The following RANBP2 variants were observed in gnomAD, a reference collection of about 807,000 sequenced individuals.
RANBP2 encodes the protein E3 SUMO-protein ligase RanBP2.
A neutral mutation model predicts 303.6 loss-of-function variants in RANBP2; 57 were observed. The ratio of observed to expected loss-of-function variants is 0.19; its 90% confidence interval spans 0.15 to 0.23. RANBP2 has a LOEUF of 0.23. Among genes scored for constraint, RANBP2 ranks in the 10% least tolerant of loss-of-function variants. The pLI is 1.00. For synonymous variants in RANBP2, 1,167 were observed against 1,301.5 expected (o/e 0.90, Z 2.23); for missense variants, 3,138 against 3,780.8 (o/e 0.83, Z 4.46).
chr2:108,724,086 C>A (rs879387559), intron 1 of RANBP2, among the ~76,000 whole-genome samples: 2 of 152,268 alleles, frequency 1.3e-5, no homozygotes, highest in South Asian at 2.1e-4. Flanking sequence ...ATCTCATGTC[C>A]TCTTCATTTA....
chr2:109,418,454 C>T, the RANBP2 span, among the ~76,000 whole-genome samples: 5 of 152,134 alleles, frequency 3.3e-5, no homozygotes, highest in Non-Finnish European at 7.4e-5. Flanking sequence ...TGTTCCGGGG[C>T]TCCCTCCTGG....
chr2:109,549,170 C>A, the RANBP2 span, among the ~76,000 whole-genome samples: 3 of 152,138 alleles, frequency 2.0e-5, no homozygotes, highest in Non-Finnish European at 1.5e-5. Flanking sequence ...CAAAGAGTGG[C>A]AGTTCTCTGC....
the RANBP2 span, chr2:109,614,983 C>G: frequency 4.5e-6 from 7 of 1,540,400 alleles, no homozygotes; most frequent in Non-Finnish European, 2.6e-6. Flanking sequence ...CAGCCCCTAC[C>G]GCGGACTCCA....
chr2:108,808,372 A>G, the RANBP2 span, among the ~76,000 whole-genome samples: 15 of 152,264 alleles, frequency 9.9e-5, no homozygotes, highest in African/African-American at 3.6e-4. Context: ...GTGAATATAT[A>G]CCCAGAAGTG....
the RANBP2 span, among the ~76,000 whole-genome samples, chr2:109,123,169 C>T: frequency 6.6e-6 from 1 of 152,134 alleles, no homozygotes; most frequent in East Asian, 1.9e-4. Flanking sequence ...GTGCAGGTAT[C>T]AGCCGTGGCT....
the RANBP2 span, among the ~76,000 whole-genome samples, chr2:109,084,560 C>T: frequency 6.6e-6 from 1 of 152,162 alleles, no homozygotes; most frequent in Non-Finnish European, 1.5e-5. Flanking sequence ...GTGACATTGC[C>T]ATCTCTGTAG....
the RANBP2 span, among the ~76,000 whole-genome samples, chr2:109,353,757 A>G: frequency 1.4e-4 from 21 of 152,182 alleles, no homozygotes; most frequent in African/African-American, 4.1e-4. Context: ...ACGTGGAGAC[A>G]AGACGAGAGA....
At chr2:109,515,671 G>C in the RANBP2 span, among the ~76,000 whole-genome samples, 1 of 152,174 alleles carries the variant, frequency 6.6e-6, no homozygotes, top group African/African-American at 2.4e-5. Context: ...AGGAATACCT[G>C]AGGCTGGATA....
the RANBP2 span, among the ~76,000 whole-genome samples, chr2:109,102,272 T>C: frequency 1.1e-4 from 16 of 152,010 alleles, no homozygotes; most frequent in African/African-American, 3.6e-4. Flanking sequence ...GGCCAATTTT[T>C]TGTATTTTTA....
the RANBP2 span, among the ~76,000 whole-genome samples, chr2:109,322,043 G>A: frequency 1.2e-4 from 18 of 152,086 alleles, no homozygotes; most frequent in Non-Finnish European, 5.9e-5. Flanking sequence ...AGTCACCTTG[G>A]CAACTGGAAG....
the RANBP2 span, among the ~76,000 whole-genome samples, chr2:109,588,631 T>C: frequency 6.6e-6 from 1 of 151,964 alleles, no homozygotes. Flanking sequence ...GTAGCTGGGA[T>C]AATAGGCGCC....
chr2:109,505,657 T>A, the RANBP2 span, among the ~76,000 whole-genome samples: 1 of 152,214 alleles, frequency 6.6e-6, no homozygotes, highest in Non-Finnish European at 1.5e-5. Flanking sequence ...TGGATACCAC[T>A]CTTGCCTCCA....
chr2:108,779,245 C>T (rs1678080938), intron 25 of RANBP2, among the ~76,000 whole-genome samples: 1 of 152,236 alleles, frequency 6.6e-6, no homozygotes, highest in Middle Eastern at 3.4e-3. Context: ...TTACTGCAAC[C>T]TCTGCTTGCT....
At chr2:109,341,944 G>T in the RANBP2 span, among the ~76,000 whole-genome samples, 3 of 152,052 alleles carry the variant, frequency 2.0e-5, no homozygotes, top group Non-Finnish European at 2.9e-5. Flanking sequence ...GCAGAAAGTG[G>T]GTATCAGGGG....
chr2:109,357,555 C>T, the RANBP2 span, among the ~76,000 whole-genome samples: 5 of 152,216 alleles, frequency 3.3e-5, no homozygotes. Flanking sequence ...TACCAGCCCG[C>T]CCTTCCCGCA....
chr2:109,429,891 G>A, the RANBP2 span, among the ~76,000 whole-genome samples: 1 of 152,206 alleles, frequency 6.6e-6, no homozygotes, highest in Non-Finnish European at 1.5e-5. Context: ...GGAGCCTGCA[G>A]TAGCCTGGAG....
At chr2:108,988,005 C>A in the RANBP2 span, among the ~76,000 whole-genome samples, 1 of 152,186 alleles carries the variant, frequency 6.6e-6, no homozygotes, top group African/African-American at 2.4e-5. Flanking sequence ...TAGAAAGTGT[C>A]TCAAAAATGC....
chr2:109,114,682 A>G, the RANBP2 span, among the ~76,000 whole-genome samples: 1 of 151,360 alleles, frequency 6.6e-6, no homozygotes, highest in Non-Finnish European at 1.5e-5. Context: ...TAGCTTTTGA[A>G]TGTGTTTGCT....
At chr2:108,930,027 C>T in the RANBP2 span, 1 of 1,465,328 alleles carries the variant, frequency 6.8e-7, no homozygotes, top group Non-Finnish European at 9.2e-7. Context: ...CCTGGCATCC[C>T]CTCACACAGC....
Sources: gnomAD v4.1 joint callset for allele counts (sites outside exome capture counted in the v4.1 genomes callset) on GRCh38, gnomAD v4.1.1 for gene constraint, MANE v1.5 for transcripts, NCBI Gene and HGNC (gene_info 2026-07-23, HGNC 2026-07-21) for gene names.